DNAH7: variants seen among roughly 807,000 people sequenced by gnomAD.
The protein encoded by DNAH7 is axonemal beta dynein heavy chain 7.
Under a neutral mutation model 444.6 loss-of-function variants are expected in DNAH7, and 397 were observed. The ratio of observed to expected loss-of-function variants is 0.89; its 90% CI spans 0.82 to 0.97. The LOEUF is 0.97. DNAH7 is among the 50% of genes least tolerant of loss of function. DNAH7 has a pLI of 0.00. For missense variants in DNAH7, 4,902 were observed against 4,800.8 expected (o/e 1.02, Z -0.62); for synonymous variants, 1,636 against 1,624.4 (o/e 1.01, Z -0.17).
chr2:195,925,914 A>G (rs1688302622), intron 22 of DNAH7, among the ~76,000 whole-genome samples: 1 of 152,120 alleles, frequency 6.6e-6, no homozygotes, highest in African/African-American at 2.4e-5. Flanking sequence ...AAATTAATAT[A>G]TCCAATTATA....
At chr2:195,975,240 C>G (rs1332133103) in intron 15 of DNAH7, among the ~76,000 whole-genome samples, 2 of 152,096 alleles carry the variant, frequency 1.3e-5, no homozygotes, top group African/African-American at 4.8e-5. Context: ...GGATGCCATC[C>G]CTCCCCTGGC....
intron 21 of DNAH7, 48 bp from the exon 22 acceptor site, chr2:195,926,614 T>C: frequency 6.6e-7 from 1 of 1,509,382 alleles, no homozygotes; most frequent in South Asian, 1.3e-5. Flanking sequence ...CTGAACAAGT[T>C]ATACAATTGA....
intron 25 of DNAH7, among the ~76,000 whole-genome samples, chr2:195,909,570 A>C (rs1574737910): frequency 6.6e-6 from 1 of 152,302 alleles, no homozygotes; most frequent in South Asian, 2.1e-4. Flanking sequence ...AATGTATAAA[A>C]ATAAATTTTT....
At chr2:195,769,794 C>T (rs1286269484) in intron 61 of DNAH7, among the ~76,000 whole-genome samples, 1 of 152,050 alleles carries the variant, frequency 6.6e-6, no homozygotes, top group Non-Finnish European at 1.5e-5. Flanking sequence ...AAATGCTCAT[C>T]AGTACTACCA....
chr2:196,040,225 G>T (rs1448589577), intron 5 of DNAH7, among the ~76,000 whole-genome samples: 2 of 152,030 alleles, frequency 1.3e-5, no homozygotes, highest in African/African-American at 4.8e-5. Flanking sequence ...ATTCTACAAG[G>T]TAAGCATTAC....
intron 48 of DNAH7, among the ~76,000 whole-genome samples, chr2:195,827,187 T>C (rs1188238679): frequency 6.6e-6 from 1 of 152,208 alleles, no homozygotes; most frequent in Non-Finnish European, 1.5e-5. Context: ...CCAGCACTCA[T>C]TGCCACATGT....
At position 195,794,343 on chromosome 2, in the gene DNAH7, T is replaced by C; in HGVS notation, c.10711A>G (p.Lys3571Glu). The C allele has an allele frequency of 1.2e-6, 2 of 1,614,080 alleles. No individual in the cohort carries two copies. The highest frequency in any genetic ancestry group is 1.7e-6 in the Non-Finnish European group (2 of 1,179,990). The change falls in exon 57 of 65, where the codon AAG (lysine) becomes GAG (glutamate). Residue 3571 changes from lysine (K) to glutamate (E), a missense_variant. Lys to Glu is a moderately conservative substitution (Grantham distance 56). Coordinates refer to ENST00000312428, the MANE Select transcript of DNAH7 (RefSeq NM_018897.3). ...SDPEFFGSCK[K>E]PEEFKKLLYG... ...AAGACTTAACCATTACTAACAGGCT[T>C]TTTGCAGCTGCCAAAGAACTCCGGA...
intron 46 of DNAH7, among the ~76,000 whole-genome samples, chr2:195,846,902 G>A (rs1269971014): frequency 6.7e-6 from 1 of 150,270 alleles, no homozygotes; most frequent in Non-Finnish European, 1.5e-5. Context: ...GCCTATTGTG[G>A]GACCTTGTGA....
At chr2:195,897,856 C>T (rs1702422767) in intron 28 of DNAH7, 91 bp from the exon 29 acceptor site, 2 of 576,754 alleles carry the variant, frequency 3.5e-6, no homozygotes, top group Non-Finnish European at 6.0e-6. Context: ...ACCTACAGAC[C>T]CTGTAACTCA....
chr2:195,946,522 A>G (rs895991003), intron 19 of DNAH7, among the ~76,000 whole-genome samples: 5 of 152,110 alleles, frequency 3.3e-5, no homozygotes, highest in Non-Finnish European at 5.9e-5. Context: ...ACTCTCCAAC[A>G]GGCTAGACCA....
chr2:195,888,834 CA>C lies in DNAH7; in HGVS notation c.5193del (p.Phe1731LeufsTer6). 6.2e-7 allele frequency: 1 copy of C among 1,612,596 alleles called. No individual in the cohort carries two copies. Among genetic ancestry groups the C allele is most frequent in the South Asian group, 1.1e-5 (1 of 90,444 alleles). The stretch of plus-strand genomic sequence containing the variant: ...GAAGCAACTTCTAAATCCATTGGCT[CA>C]AAAATTAGATTCATTTGTGGTGACA... ...IQMSPQMNLI[F>X]EPMDLEVASP... On this transcript the variant is annotated frameshift_variant, in exon 32 of 65. Coordinates refer to ENST00000312428, the MANE Select transcript of DNAH7 (RefSeq NM_018897.3). LOFTEE classifies it high-confidence loss of function.
intron 39 of DNAH7, among the ~76,000 whole-genome samples, chr2:195,872,692 T>C (rs1190016669): frequency 6.6e-6 from 1 of 152,110 alleles, no homozygotes; most frequent in Non-Finnish European, 1.5e-5. Flanking sequence ...AAGACCCCTG[T>C]GAAATGAGCA....
At chr2:195,844,265 T>C (rs565522980) in intron 47 of DNAH7, among the ~76,000 whole-genome samples, 44 of 152,288 alleles carry the variant, frequency 2.9e-4, no homozygotes, top group African/African-American at 9.9e-4. Context: ...TTAGTCAAAA[T>C]AGTCATGTAA....
chr2:195,749,869 T>C (rs1022499500), intron 63 of DNAH7, among the ~76,000 whole-genome samples: 11 of 150,782 alleles, frequency 7.3e-5, no homozygotes, highest in Non-Finnish European at 1.0e-4. Flanking sequence ...CTTTAGGAGA[T>C]ATACCTAATG....
intron 51 of DNAH7, among the ~76,000 whole-genome samples, chr2:195,814,917 T>G (rs1049593142): frequency 6.6e-6 from 1 of 151,966 alleles, no homozygotes; most frequent in African/African-American, 2.4e-5. Context: ...AATTTTTGTA[T>G]TTTTTGTAGA....
At chr2:195,849,369 C>T (rs935135449) in intron 46 of DNAH7, among the ~76,000 whole-genome samples, 1 of 152,196 alleles carries the variant, frequency 6.6e-6, no homozygotes, top group Non-Finnish European at 1.5e-5. Context: ...TCTGCAAAGT[C>T]CCTTTGCCAT....
chr2:195,942,718 T>C (rs186348035), intron 19 of DNAH7, among the ~76,000 whole-genome samples: 1 of 152,224 alleles, frequency 6.6e-6, no homozygotes, highest in African/African-American at 2.4e-5. Context: ...GAAGCAAAAT[T>C]GTTGTTAGCA....
At chr2:196,026,502 T>C (rs1174554975) in intron 7 of DNAH7, among the ~76,000 whole-genome samples, 2 of 152,160 alleles carry the variant, frequency 1.3e-5, no homozygotes, top group Non-Finnish European at 2.9e-5. Context: ...TCTTGAGGGA[T>C]TGAAATTAAT....
At chr2:195,886,041 A>C in intron 34 of DNAH7, 100 bp downstream of exon 34, 1 of 1,412,882 alleles carries the variant, frequency 7.1e-7, no homozygotes, top group East Asian at 2.4e-5. Flanking sequence ...ACTAGTCTCC[A>C]ACTTCAGGGG....
Sources: gnomAD v4.1 joint callset for allele counts (sites outside exome capture counted in the v4.1 genomes callset) on GRCh38, gnomAD v4.1.1 for gene constraint, MANE v1.5 for transcripts, NCBI Gene and HGNC (gene_info 2026-07-23, HGNC 2026-07-21) for gene names.